The following AFF3 variants were observed in gnomAD, a reference collection of about 807,000 sequenced individuals.
The protein encoded by AFF3 is AF4/FMR2 family member 3.
AFF3 carries 32 observed loss-of-function variants against 129.7 expected under a neutral mutation model. The ratio of observed to expected loss-of-function variants is 0.25; its 90% confidence interval spans 0.19 to 0.33. The LOEUF (loss-of-function observed/expected upper bound fraction) is 0.33. Ranked by LOEUF, AFF3 falls within the 10% of genes least tolerant of loss-of-function variation. The pLI, the probability that AFF3 is intolerant of heterozygous loss-of-function variation, is 1.00. For missense variants in AFF3, 1,373 were observed against 1,592.0 expected (o/e 0.86, Z 2.34); for synonymous variants, 644 against 635.4 (o/e 1.01, Z -0.20).
At chr2:99,896,658 C>T (rs1471840475) in intron 7 of AFF3, among the ~76,000 whole-genome samples, 21 of 57,382 alleles carry the variant, frequency 3.7e-4, no homozygotes, top group Non-Finnish European at 6.8e-4. Context: ...TTTTTGGAGA[C>T]GGAGTCTCAC....
At chr2:99,876,486 C>T (rs947927162) in intron 7 of AFF3, among the ~76,000 whole-genome samples, 13 of 152,114 alleles carry the variant, frequency 8.5e-5, no homozygotes, top group African/African-American at 2.4e-4. Flanking sequence ...TACGATACCC[C>T]GATCCATCTC....
chr2:99,664,965 G>A (rs906150838), intron 12 of AFF3, among the ~76,000 whole-genome samples: 1 of 152,262 alleles, frequency 6.6e-6, no homozygotes, highest in African/African-American at 2.4e-5. Context: ...TCTCCCTGAG[G>A]AAGTGAAAGT....
intron 7 of AFF3, among the ~76,000 whole-genome samples, chr2:99,860,963 C>T (rs1288412866): frequency 6.6e-6 from 1 of 152,168 alleles, no homozygotes; most frequent in Non-Finnish European, 1.5e-5. Flanking sequence ...GAATAGTCAC[C>T]ATGCTGTACA....
At chr2:99,989,960 A>C (rs17023378) in intron 7 of AFF3, among the ~76,000 whole-genome samples, 27,747 of 152,058 alleles carry the variant, frequency 0.18, 3,029 homozygotes, top group African/African-American at 0.28. Context: ...GCTGTTTTTT[A>C]TTGATGTAAT....
At chr2:99,917,599 T>C (rs1695561166) in intron 7 of AFF3, among the ~76,000 whole-genome samples, 1 of 152,166 alleles carries the variant, frequency 6.6e-6, no homozygotes, top group South Asian at 2.1e-4. Context: ...TCATACATCA[T>C]ATCATAGAAT....
intron 1 of AFF3, among the ~76,000 whole-genome samples, chr2:100,135,172 A>G (rs2105600491): frequency 6.6e-6 from 1 of 152,348 alleles, no homozygotes; most frequent in East Asian, 1.9e-4. Context: ...GATAGGTCAC[A>G]GTGAAGACCT....
chr2:100,093,182 T>C (rs534717789), intron 4 of AFF3, among the ~76,000 whole-genome samples: 3 of 151,348 alleles, frequency 2.0e-5, no homozygotes, highest in East Asian at 2.0e-4. Context: ...TCATGGCTCA[T>C]TGCAGCCTTG....
At chr2:99,626,767 T>TC (rs764041372) in intron 13 of AFF3, among the ~76,000 whole-genome samples, 9 of 152,188 alleles carry the variant, frequency 5.9e-5, no homozygotes, top group Non-Finnish European at 1.2e-4. Context: ...TCTGTTGTTC[T>TC]CCTCTATGTG....
At chr2:100,130,014 T>C (rs1361066682) in intron 1 of AFF3, among the ~76,000 whole-genome samples, 3 of 152,176 alleles carry the variant, frequency 2.0e-5, no homozygotes, top group Non-Finnish European at 4.4e-5. Context: ...AGAATTCATA[T>C]TGTGCATGAA....
At chr2:99,650,796 A>ATGCGTGTG (rs1553417669) in intron 12 of AFF3, among the ~76,000 whole-genome samples, 6 of 144,756 alleles carry the variant, frequency 4.1e-5, no homozygotes, top group Non-Finnish European at 9.1e-5. Context: ...ACTAAAATTA[A>ATGCGTGTG]TGTGTGTGTG....
chr2:99,780,725 C>T (rs552340030), intron 8 of AFF3, among the ~76,000 whole-genome samples: 15 of 152,284 alleles, frequency 9.9e-5, no homozygotes, highest in East Asian at 1.9e-4. Context: ...AAACCCTGGA[C>T]TCATCTTGAC....
chr2:99,730,430 G>A (rs908373334), intron 10 of AFF3, among the ~76,000 whole-genome samples: 1 of 152,084 alleles, frequency 6.6e-6, no homozygotes, highest in Middle Eastern at 3.2e-3. Flanking sequence ...GTGTCATATA[G>A]GGACTAAATA....
intron 12 of AFF3, among the ~76,000 whole-genome samples, chr2:99,658,092 T>A (rs1017407062): frequency 6.6e-6 from 1 of 152,118 alleles, no homozygotes; most frequent in Non-Finnish European, 1.5e-5. Flanking sequence ...CCATCACAAA[T>A]GAAAACGAAG....
At chr2:99,854,481 G>C (rs543306399) in intron 7 of AFF3, among the ~76,000 whole-genome samples, 1 of 152,184 alleles carries the variant, frequency 6.6e-6, no homozygotes, top group Non-Finnish European at 1.5e-5. Context: ...ATAAAACAAA[G>C]CAAATAAACA....
chr2:100,129,252 T>C lies in AFF3; in HGVS notation c.-173A>G, dbSNP rs1256669777. 6.6e-6 allele frequency: 1 copy of C among 152,174 alleles called. No homozygotes were observed. The highest frequency in any genetic ancestry group is 1.5e-5 in the Non-Finnish European group (1 of 68,038). The allele number at this position is 152,174 out of a possible 1,614,324, so 9.4% of individuals were successfully genotyped here. A position where few individuals can be genotyped will look rare whatever the true frequency, so the allele number is the denominator to read the frequency against. ...CTTGCCAGTTACTCCGGATTGATGC[T>C]TCCCGATGTAAACAATGGCTGATCG... On this transcript the variant is annotated 5_prime_UTR_variant, in exon 2 of 25. Transcript: ENST00000672756.
chr2:100,042,956 C>T (rs1559081757), intron 4 of AFF3, among the ~76,000 whole-genome samples: 1 of 151,936 alleles, frequency 6.6e-6, no homozygotes, highest in Non-Finnish European at 1.5e-5. Context: ...GCATAAATAC[C>T]AGATATATGA....
chr2:99,694,669 C>T (rs1676017690), intron 11 of AFF3, among the ~76,000 whole-genome samples: 1 of 152,030 alleles, frequency 6.6e-6, no homozygotes, highest in South Asian at 2.1e-4. Flanking sequence ...TTAAAAAAGC[C>T]AACAAAAACA....
intron 7 of AFF3, among the ~76,000 whole-genome samples, chr2:99,984,021 AAAAAGATCTTTTACAT>A (rs1472260715): frequency 2.0e-5 from 3 of 152,198 alleles, no homozygotes; most frequent in African/African-American, 7.2e-5. Context: ...TTAAAAAAAC[AAAAAGATCTTTTACAT>A]AAAATGAAAC....
chr2:99,607,172 T>C (rs755226177), intron 13 of AFF3, among the ~76,000 whole-genome samples: 2 of 152,144 alleles, frequency 1.3e-5, no homozygotes, highest in Non-Finnish European at 2.9e-5. Flanking sequence ...TGTTTCTTCC[T>C]ATGGCTGTGA....
Sources: allele counts gnomAD v4.1 joint callset (sites outside exome capture counted in the v4.1 genomes callset), GRCh38; gene constraint gnomAD v4.1.1; transcripts MANE v1.5; gene names NCBI Gene and HGNC (gene_info 2026-07-23, HGNC 2026-07-21).